ZFHX3: variants seen among roughly 807,000 people sequenced by gnomAD.
The protein encoded by ZFHX3 is zinc finger homeobox 3.
In ZFHX3, 42 loss-of-function variants were observed where a neutral mutation model predicts 279.1. The ratio of observed to expected loss-of-function variants is 0.15; its 90% CI spans 0.12 to 0.19. The LOEUF (loss-of-function observed/expected upper bound fraction) is 0.19. Among genes scored for constraint, ZFHX3 ranks in the 10% least tolerant of loss-of-function variants. ZFHX3 has a pLI of 1.00. For synonymous variants in ZFHX3, 2,293 were observed against 1,957.8 expected, an observed-to-expected ratio of 1.17 and a Z score of -4.52; for missense variants, 4,981 against 4,754.0, an observed-to-expected ratio of 1.05 and a Z score of -1.40.
At chr16:72,982,067 G>C (rs60832755) in intron 1 of ZFHX3, among the ~76,000 whole-genome samples, 1 of 151,886 alleles carries the variant, frequency 6.6e-6, no homozygotes, top group African/African-American at 2.4e-5. Flanking sequence ...ATTTTTAGTA[G>C]AGACAGGGTT....
intron 4 of ZFHX3, among the ~76,000 whole-genome samples, chr16:72,833,833 G>A (rs1383279284): frequency 6.6e-6 from 1 of 152,150 alleles, no homozygotes; most frequent in African/African-American, 2.4e-5. Flanking sequence ...ACCCCCTCCT[G>A]TGTGTGTTTT....
At chr16:73,690,481 C>T (rs930851600) in intron 1 of ZFHX3, among the ~76,000 whole-genome samples, 1 of 152,198 alleles carries the variant, frequency 6.6e-6, no homozygotes, top group Non-Finnish European at 1.5e-5. Flanking sequence ...CAAACATGAA[C>T]TTGAAACTAT....
rs1368722176 is a variant in ZFHX3 at position 72,877,712 on chromosome 16, G to GC, written c.3448+12018dup. Among the ~76,000 whole-genome samples, 6 of 152,214 alleles carry GC rather than the reference G, an allele frequency of 3.9e-5. No homozygotes were observed. In the South Asian group the frequency reaches 6.2e-4, roughly 16 times the overall value. ...TCTGATCCCTGGGCTAAAACAGAGA[G>GC]CCCCAAAGAGCTATGTTGATCCCAG... On this transcript the variant is annotated intron_variant, in intron 4 of 9. Coordinates refer to ENST00000268489, the MANE Select transcript of ZFHX3 (RefSeq NM_006885.4).
intron 1 of ZFHX3, among the ~76,000 whole-genome samples, chr16:73,039,458 T>C (rs1321603827): frequency 6.6e-6 from 1 of 152,160 alleles, no homozygotes; most frequent in African/African-American, 2.4e-5. Context: ...CAGGTGTTCT[T>C]AACTGGAGGC....
intron 1 of ZFHX3, among the ~76,000 whole-genome samples, chr16:73,026,192 CAAAAAAAAAAAAAA>C (rs60146795): frequency 2.7e-4 from 13 of 47,484 alleles, no homozygotes; most frequent in East Asian, 1.5e-3. Context: ...ACAAAAAATA[CAAAAAAAAAAAAAA>C]AAAAAAAAAA....
At chr16:73,245,995 G>T (rs112682331) in intron 5 of ZFHX3, among the ~76,000 whole-genome samples, 2,543 of 152,196 alleles carry the variant, frequency 0.017, 69 homozygotes, top group African/African-American at 0.051. Flanking sequence ...TGTGCACAGA[G>T]ATTATTCCAC....
At chr16:73,122,191 T>C (rs561626690) in intron 7 of ZFHX3, among the ~76,000 whole-genome samples, 60 of 152,010 alleles carry the variant, frequency 3.9e-4, no homozygotes, top group African/African-American at 1.4e-3. Flanking sequence ...TATCTTTAAA[T>C]ATAATTTCAC....
At chr16:72,877,594 T>C (rs1160437851) in intron 4 of ZFHX3, among the ~76,000 whole-genome samples, 1 of 152,210 alleles carries the variant, frequency 6.6e-6, no homozygotes, top group African/African-American at 2.4e-5. Flanking sequence ...TAGAGACGAC[T>C]CGTCCTCAAG....
chr16:73,867,160 T>C lies in ZFHX3; in HGVS notation c.-1608+24491A>G, dbSNP rs142951008. On this transcript the variant is annotated intron_variant, in intron 1 of 17. Coordinates refer to the ZFHX3 transcript ENST00000641206. ...GGCCAGAGGGCTTTGGGATGAGGCA[T>C]TTACAGTGCCTGCCATGACTCCATT... 7.9e-3 allele frequency among the ~76,000 whole-genome samples: 1,203 copies of C among 152,188 alleles called. 16 individuals carry two copies. Among genetic ancestry groups the C allele is most frequent in the African/African-American group, 0.027 (1,121 of 41,556 alleles).
chr16:73,806,661 C>T (rs1960285054), intron 1 of ZFHX3, among the ~76,000 whole-genome samples: 1 of 152,192 alleles, frequency 6.6e-6, no homozygotes, highest in Non-Finnish European at 1.5e-5. Flanking sequence ...GTCTCAAGGC[C>T]TCCCCACTGA....
intron 5 of ZFHX3, among the ~76,000 whole-genome samples, chr16:73,193,870 T>C (rs1055491622): frequency 2.6e-5 from 4 of 152,238 alleles, no homozygotes; most frequent in Non-Finnish European, 5.9e-5. Flanking sequence ...ATGCACCACA[T>C]GCTTAAACCA....
intron 7 of ZFHX3, among the ~76,000 whole-genome samples, chr16:72,802,095 T>C (rs1385719745): frequency 6.6e-6 from 1 of 152,066 alleles, no homozygotes; most frequent in African/African-American, 2.4e-5. Context: ...TAGAAAACTG[T>C]GGGCTTTTCA....
chr16:72,806,328 G>C (rs953218818), intron 7 of ZFHX3, among the ~76,000 whole-genome samples: 3 of 152,154 alleles, frequency 2.0e-5, no homozygotes, highest in African/African-American at 7.2e-5. Flanking sequence ...AAAGGTAGAT[G>C]GGAGAACAGG....
chr16:73,197,584 G>A (rs966253612), intron 5 of ZFHX3, among the ~76,000 whole-genome samples: 1 of 152,286 alleles, frequency 6.6e-6, no homozygotes, highest in South Asian at 2.1e-4. Context: ...GACTTATCTG[G>A]ATATTTCAGA....
chr16:73,148,726 C>T (rs550759887), intron 5 of ZFHX3, among the ~76,000 whole-genome samples: 207 of 151,930 alleles, frequency 1.4e-3, no homozygotes, highest in African/African-American at 4.3e-3. Flanking sequence ...GCAGGCAGAT[C>T]GCCTGAGGTC....
At chr16:73,292,243 G>A (rs1235659249) in intron 4 of ZFHX3, among the ~76,000 whole-genome samples, 1 of 152,196 alleles carries the variant, frequency 6.6e-6, no homozygotes, top group African/African-American at 2.4e-5. Flanking sequence ...CCTTGGCTGT[G>A]ATTAGTGTCC....
intron 5 of ZFHX3, among the ~76,000 whole-genome samples, chr16:73,145,482 C>G (rs1597181317): frequency 1.3e-5 from 2 of 152,316 alleles, no homozygotes; most frequent in East Asian, 3.9e-4. Flanking sequence ...TTATTGGAAA[C>G]CTGCCAGTCT....
At chr16:73,368,820 A>C (rs2016573966) in intron 3 of ZFHX3, among the ~76,000 whole-genome samples, 1 of 152,210 alleles carries the variant, frequency 6.6e-6, no homozygotes, top group Non-Finnish European at 1.5e-5. Flanking sequence ...TTCTCGAAAC[A>C]ATTAACTCAT....
chr16:73,464,076 A>C (rs995989379), intron 2 of ZFHX3, among the ~76,000 whole-genome samples: 6 of 152,060 alleles, frequency 3.9e-5, no homozygotes, highest in African/African-American at 1.4e-4. Flanking sequence ...GTATTTCTGT[A>C]TTTTTTTTCT....
Sources: gnomAD v4.1 joint callset for allele counts (sites outside exome capture counted in the v4.1 genomes callset) on GRCh38, gnomAD v4.1.1 for gene constraint, MANE v1.5 for transcripts, NCBI Gene and HGNC (gene_info 2026-07-23, HGNC 2026-07-21) for gene names.